POU2F1: variants seen among roughly 807,000 people sequenced by gnomAD.
POU2F1 encodes POU class 2 homeobox 1.
POU2F1 carries 16 observed loss-of-function variants against 84.9 expected under a neutral mutation model. The ratio of observed to expected loss-of-function variants is 0.19; its 90% confidence interval spans 0.13 to 0.29. The LOEUF is 0.29. Ranked by LOEUF, POU2F1 falls within the 10% of genes least tolerant of loss-of-function variation. The pLI is 1.00. For missense variants in POU2F1, 738 were observed against 942.6 expected (o/e 0.78, Z 2.84); for synonymous variants, 368 against 368.3 (o/e 1.00, Z 0.01).
intron 9 of POU2F1, among the ~76,000 whole-genome samples, chr1:167,392,929 T>C (rs1648529312): frequency 6.6e-6 from 1 of 152,150 alleles, no homozygotes; most frequent in African/African-American, 2.4e-5. Context: ...AGTTATTTGC[T>C]GAAACAAAAA....
rs1362274821 is a variant in POU2F1, at chr1:167,421,428, G to A, written c.*5618G>A. ...TGAAAGGATTCCACTGGGAGGGCAG[G>A]GAATATATTTTTTCTCAGAGCATCC... On this transcript the variant is annotated 3_prime_UTR_variant, in exon 16 of 16. Transcript: ENST00000367866. 2 of 152,082 alleles carry A rather than the reference G, an allele frequency of 1.3e-5. No individual in the cohort carries two copies. Among genetic ancestry groups the A allele is most frequent in the African/African-American group, 4.8e-5 (2 of 41,404 alleles). The allele number at this position is 152,082 out of a possible 1,614,324, so 9.4% of individuals were successfully genotyped here. A position where few individuals can be genotyped will look rare whatever the true frequency, so the allele number is the denominator to read the frequency against.
intron 1 of POU2F1, among the ~76,000 whole-genome samples, chr1:167,296,421 A>G (rs2102551179): frequency 6.6e-6 from 1 of 152,050 alleles, no homozygotes; most frequent in African/African-American, 2.4e-5. Flanking sequence ...TATTTTTAGG[A>G]CTCTGGTTCA....
At chr1:167,358,630 T>G (rs1659133796) in intron 2 of POU2F1, among the ~76,000 whole-genome samples, 1 of 151,886 alleles carries the variant, frequency 6.6e-6, no homozygotes, top group African/African-American at 2.4e-5. Flanking sequence ...AAATTATATT[T>G]TCTATAGAGT....
At chr1:167,233,182 C>G (rs1649193286) in intron 1 of POU2F1, among the ~76,000 whole-genome samples, 2 of 150,482 alleles carry the variant, frequency 1.3e-5, no homozygotes, top group Non-Finnish European at 3.0e-5. Context: ...GTCACCCAGA[C>G]TGGAGTGCAG....
At chr1:167,270,937 C>T (rs1235258986) in intron 1 of POU2F1, among the ~76,000 whole-genome samples, 2 of 152,192 alleles carry the variant, frequency 1.3e-5, no homozygotes, top group South Asian at 2.1e-4. Flanking sequence ...AGAGACTACA[C>T]ATTTATACAG....
intron 1 of POU2F1, among the ~76,000 whole-genome samples, chr1:167,285,595 A>G (rs1571229031): frequency 6.6e-6 from 1 of 151,940 alleles, no homozygotes; most frequent in East Asian, 1.9e-4. Flanking sequence ...TCCGTCTCAA[A>G]AAAAAAAAAA....
chr1:167,301,148 A>G (rs2102567354), intron 1 of POU2F1, among the ~76,000 whole-genome samples: 1 of 152,090 alleles, frequency 6.6e-6, no homozygotes, highest in Admixed American at 6.5e-5. Context: ...CATAGTATTT[A>G]CTACTGTTTA....
chr1:167,378,171 A>T (rs1660454974), intron 7 of POU2F1, among the ~76,000 whole-genome samples: 1 of 152,196 alleles, frequency 6.6e-6, no homozygotes, highest in African/African-American at 2.4e-5. Flanking sequence ...CCAGCAGTGT[A>T]TAAGTGTTCC....
At chr1:167,398,355 G>C (rs568359358) in intron 11 of POU2F1, among the ~76,000 whole-genome samples, 77 of 152,286 alleles carry the variant, frequency 5.1e-4, no homozygotes, top group Admixed American at 1.2e-3. Flanking sequence ...CACTCAGTAT[G>C]AGAGAGGTGG....
At chr1:167,307,640 A>G (rs1239414748) in intron 1 of POU2F1, among the ~76,000 whole-genome samples, 1 of 152,094 alleles carries the variant, frequency 6.6e-6, no homozygotes, top group African/African-American at 2.4e-5. Flanking sequence ...ATGCTCTGTC[A>G]CCCCCAACTA....
intron 2 of POU2F1, among the ~76,000 whole-genome samples, chr1:167,348,422 C>G (rs1012388146): frequency 1.3e-4 from 20 of 152,120 alleles, no homozygotes; most frequent in African/African-American, 4.3e-4. Context: ...AAACTTTTTT[C>G]CATAGCAGCT....
intron 2 of POU2F1, among the ~76,000 whole-genome samples, chr1:167,357,794 T>C (rs988616372): frequency 6.7e-6 from 1 of 149,558 alleles, no homozygotes; most frequent in South Asian, 2.1e-4. Flanking sequence ...GTGAATCTTA[T>C]TAATTGATTT....
intron 1 of POU2F1, among the ~76,000 whole-genome samples, chr1:167,273,562 G>C (rs1333449408): frequency 1.3e-5 from 2 of 152,242 alleles, no homozygotes; most frequent in Non-Finnish European, 2.9e-5. Context: ...AAGCTGCCAA[G>C]GCTTACAACT....
At chr1:167,387,115 T>C in intron 8 of POU2F1, 1 of 455,736 alleles carries the variant, frequency 2.2e-6, no homozygotes, top group South Asian at 1.5e-5. Context: ...TCTCTGCATA[T>C]GGTGGCAGGG....
chr1:167,385,528 T>C (rs958833445), intron 8 of POU2F1, among the ~76,000 whole-genome samples: 2 of 151,972 alleles, frequency 1.3e-5, no homozygotes, highest in Non-Finnish European at 2.9e-5. Flanking sequence ...TATGGCCAAC[T>C]GATTTGCCAA....
chr1:167,381,961 TTTTA>T (rs1398298204), intron 7 of POU2F1, among the ~76,000 whole-genome samples: 146 of 130,384 alleles, frequency 1.1e-3, no homozygotes, highest in African/African-American at 4.1e-3. Flanking sequence ...TTCAAAACAA[TTTTA>T]TTTAATTAGT....
At chr1:167,265,686 G>T (rs546623926) in intron 1 of POU2F1, among the ~76,000 whole-genome samples, 1 of 151,938 alleles carries the variant, frequency 6.6e-6, no homozygotes, top group Non-Finnish European at 1.5e-5. Context: ...GTCTCTTGCC[G>T]TACCCTCCCC....
chr1:167,223,898 G>T (rs1422160538), intron 1 of POU2F1, among the ~76,000 whole-genome samples: 1 of 152,196 alleles, frequency 6.6e-6, no homozygotes, highest in African/African-American at 2.4e-5. Flanking sequence ...GATGTCATTG[G>T]ACAGAGGACA....
chr1:167,379,546 A>G (rs977077179), intron 7 of POU2F1: 5 of 152,198 alleles, frequency 3.3e-5, no homozygotes, highest in East Asian at 1.9e-4. Flanking sequence ...GGTGAAACCA[A>G]CCTTTTAGGT....
Sources: allele counts gnomAD v4.1 joint callset (sites outside exome capture counted in the v4.1 genomes callset), GRCh38; gene constraint gnomAD v4.1.1; transcripts MANE v1.5; gene names NCBI Gene and HGNC (gene_info 2026-07-23, HGNC 2026-07-21).